The following CTNNA3 variants were observed in gnomAD, a reference collection of about 807,000 sequenced individuals.
CTNNA3 encodes catenin alpha-3.
Under a neutral mutation model 95.7 loss-of-function variants are expected in CTNNA3, and 76 were observed. The ratio of observed to expected loss-of-function variants is 0.79; its 90% CI spans 0.66 to 0.96. The LOEUF (loss-of-function observed/expected upper bound fraction) is 0.96. CTNNA3 is among the 40% of genes least tolerant of loss of function. CTNNA3 has a pLI of 0.00. For synonymous variants in CTNNA3, 431 were observed against 374.4 expected (o/e 1.15, Z -1.74); for missense variants, 1,191 against 1,089.8 (o/e 1.09, Z -1.31).
chr10:65,989,534 G>A (rs1032414852), intron 15 of CTNNA3, among the ~76,000 whole-genome samples: 1 of 151,878 alleles, frequency 6.6e-6, no homozygotes, highest in Non-Finnish European at 1.5e-5. Flanking sequence ...CCTACTTTTA[G>A]TATTTCACAT....
intron 6 of CTNNA3, among the ~76,000 whole-genome samples, chr10:67,215,678 G>C (rs1234310256): frequency 6.6e-6 from 1 of 152,122 alleles, no homozygotes; most frequent in Non-Finnish European, 1.5e-5. Context: ...GGCTATGCTA[G>C]TCAAAAGTTC....
chr10:66,309,622 C>A (rs533155275), intron 12 of CTNNA3, among the ~76,000 whole-genome samples: 1 of 131,404 alleles, frequency 7.6e-6, no homozygotes, highest in Non-Finnish European at 1.5e-5. Flanking sequence ...GGAGGCGGAG[C>A]TTGCAGTGAG....
chr10:67,264,217 GGTGA>G (rs1231208677), intron 5 of CTNNA3, among the ~76,000 whole-genome samples: 8 of 152,086 alleles, frequency 5.3e-5, no homozygotes. Flanking sequence ...GCTCAGAAAG[GGTGA>G]GTAACTAGTC....
At chr10:66,041,392 T>A (rs2079685500) in intron 15 of CTNNA3, among the ~76,000 whole-genome samples, 1 of 151,944 alleles carries the variant, frequency 6.6e-6, no homozygotes, top group African/African-American at 2.4e-5. Flanking sequence ...ATAGCAGTAA[T>A]AATAACATTA....
intron 7 of CTNNA3, among the ~76,000 whole-genome samples, chr10:66,863,003 C>T (rs891983824): frequency 1.3e-5 from 2 of 152,060 alleles, no homozygotes; most frequent in African/African-American, 2.4e-5. Flanking sequence ...GAAACATCAG[C>T]TCTGCTTGAG....
intron 11 of CTNNA3, among the ~76,000 whole-genome samples, chr10:66,428,885 G>A (rs1334521451): frequency 6.6e-6 from 1 of 151,618 alleles, no homozygotes; most frequent in Non-Finnish European, 1.5e-5. Flanking sequence ...CTAGCAGAAG[G>A]CAAGAAATAA....
intron 5 of CTNNA3, among the ~76,000 whole-genome samples, chr10:67,336,827 G>A (rs1286130543): frequency 6.6e-6 from 1 of 152,144 alleles, no homozygotes; most frequent in Non-Finnish European, 1.5e-5. Context: ...AAGCCTAGAT[G>A]ACAGCACATT....
intron 17 of CTNNA3, among the ~76,000 whole-genome samples, chr10:65,958,943 T>C (rs1270987696): frequency 1.3e-5 from 2 of 152,230 alleles, no homozygotes; most frequent in East Asian, 3.9e-4. Context: ...CGTTTAAGTC[T>C]GCAGAAGTTT....
intron 7 of CTNNA3, among the ~76,000 whole-genome samples, chr10:66,831,760 G>T (rs1053315169): frequency 1.3e-5 from 2 of 152,022 alleles, no homozygotes; most frequent in African/African-American, 4.8e-5. Context: ...AGGGAAGAAG[G>T]GAGAGAAGCA....
At chr10:66,129,943 C>T (rs985483573) in intron 13 of CTNNA3, among the ~76,000 whole-genome samples, 1 of 152,174 alleles carries the variant, frequency 6.6e-6, no homozygotes, top group Admixed American at 6.5e-5. Context: ...CCACTACTGC[C>T]TGCATGAGGG....
intron 3 of CTNNA3, among the ~76,000 whole-genome samples, chr10:67,579,355 C>T (rs187177030): frequency 1.5e-3 from 227 of 152,162 alleles, no homozygotes; most frequent in Non-Finnish European, 2.7e-3. Flanking sequence ...TTACCAGCTT[C>T]ATCCATGTCC....
At chr10:67,392,455 G>T (rs1844537608) in intron 5 of CTNNA3, among the ~76,000 whole-genome samples, 1 of 152,212 alleles carries the variant, frequency 6.6e-6, no homozygotes, top group African/African-American at 2.4e-5. Flanking sequence ...TACACTGTTG[G>T]TGGGACTGTA....
chr10:67,447,742 G>A (rs1251281081), intron 5 of CTNNA3, among the ~76,000 whole-genome samples: 8 of 152,066 alleles, frequency 5.3e-5, no homozygotes, highest in African/African-American at 7.2e-5. Context: ...ATAACTGCTT[G>A]ATGTGTATGT....
chr10:67,614,348 C>T (rs1395180181), intron 2 of CTNNA3, among the ~76,000 whole-genome samples: 1 of 152,180 alleles, frequency 6.6e-6, no homozygotes, highest in Non-Finnish European at 1.5e-5. Flanking sequence ...TTATTGTGTA[C>T]TTTATATTAT....
intron 5 of CTNNA3, among the ~76,000 whole-genome samples, chr10:67,423,526 C>T (rs927326138): frequency 3.9e-5 from 6 of 151,958 alleles, no homozygotes; most frequent in African/African-American, 7.3e-5. Flanking sequence ...GGTTGTTTTC[C>T]GAAGACAAAG....
intron 7 of CTNNA3, among the ~76,000 whole-genome samples, chr10:67,005,691 T>TTTTTGTTTGTTTG: frequency 8.2e-6 from 1 of 121,552 alleles, no homozygotes; most frequent in African/African-American, 2.8e-5. Context: ...TCTTTTTTTT[T>TTTTTGTTTGTTTG]TTTTTTTTTT....
At chr10:67,337,743 G>A (rs900294622) in intron 5 of CTNNA3, among the ~76,000 whole-genome samples, 1 of 152,130 alleles carries the variant, frequency 6.6e-6, no homozygotes, top group Non-Finnish European at 1.5e-5. Context: ...CATCAACATT[G>A]AGGTAAGACC....
At chr10:67,072,885 T>G (rs997942220) in intron 7 of CTNNA3, among the ~76,000 whole-genome samples, 80 of 33,350 alleles carry the variant, frequency 2.4e-3, no homozygotes, top group African/African-American at 0.023. Flanking sequence ...TTTTGGAAGC[T>G]CTGCCTTTGG....
intron 1 of CTNNA3, among the ~76,000 whole-genome samples, chr10:67,726,612 A>ATATGTAATATTATATTACATAT (rs1297283974): frequency 1.2e-4 from 10 of 82,808 alleles, no homozygotes; most frequent in African/African-American, 4.6e-4. Flanking sequence ...ATATTATATA[A>ATATGTAATATTATATTACATAT]TATATAATAT....
Sources: allele counts gnomAD v4.1 joint callset (sites outside exome capture counted in the v4.1 genomes callset), GRCh38; gene constraint gnomAD v4.1.1; transcripts MANE v1.5; gene names NCBI Gene and HGNC (gene_info 2026-07-23, HGNC 2026-07-21).